The following CD8A variants were observed in gnomAD, a reference collection of about 807,000 sequenced individuals.
CD8A encodes CD8 subunit alpha, also known as T-cell surface glycoprotein CD8 alpha chain.
In CD8A, 25 loss-of-function variants were observed where a neutral mutation model predicts 24.2. The observed-to-expected ratio is 1.03, with a 90% CI of 0.75 to 1.44. The LOEUF is 1.44. CD8A is among the 40% of genes most tolerant of loss of function. The pLI is 0.00. For missense variants in CD8A, 360 were observed against 319.7 expected (o/e 1.13, Z -0.96); for synonymous variants, 165 against 149.9 (o/e 1.10, Z -0.74).
At chr2:86,797,825 T>C (rs1364203011) in intron 3 of CD8A, among the ~76,000 whole-genome samples, 1 of 152,218 alleles carries the variant, frequency 6.6e-6, no homozygotes, top group Non-Finnish European at 1.5e-5. Flanking sequence ...CCCTCCCAAG[T>C]ACCACCCCAC....
At chr2:86,795,191 G>C (rs1673441661), upstream of CD8A, among the ~76,000 whole-genome samples, 3 of 152,342 alleles carry the variant, frequency 2.0e-5, no homozygotes, top group South Asian at 6.2e-4. Context: ...GTGCCAAACA[G>C]AGGGCTTGGC....
upstream of CD8A, among the ~76,000 whole-genome samples, chr2:86,795,877 G>A (rs1007304277): frequency 6.6e-6 from 1 of 152,134 alleles, no homozygotes; most frequent in South Asian, 2.1e-4. Flanking sequence ...TTCTATTCAA[G>A]ATAACCCTGC....
chr2:86,797,384 T>C (rs1673515774), intron 3 of CD8A, among the ~76,000 whole-genome samples: 1 of 152,068 alleles, frequency 6.6e-6, no homozygotes, highest in Admixed American at 6.6e-5. Context: ...AAATTCAGAA[T>C]GGGGCTTGAG....
intron 2 of CD8A, among the ~76,000 whole-genome samples, chr2:86,790,014 C>A (rs915052956): frequency 1.3e-5 from 2 of 152,222 alleles, no homozygotes; most frequent in Admixed American, 6.5e-5. Flanking sequence ...GCTGAACCAG[C>A]AACCCTGGAG....
chr2:86,785,440 G>T lies in CD8A; in HGVS notation c.*480C>A, dbSNP rs568138212. 6.6e-6 allele frequency: 3 copies of T among 455,182 alleles called. No individual in the cohort carries two copies. Among genetic ancestry groups the T allele is most frequent in the African/African-American group, 2.0e-5 (1 of 50,030 alleles). The allele number at this position is 455,182 out of a possible 1,614,324, so 28.2% of individuals were successfully genotyped here. A position where few individuals can be genotyped will look rare whatever the true frequency, so the allele number is the denominator to read the frequency against. ...TCAAGCACCTCACCCTGAGACAGGG[G>T]CCTCGGAAAGAAAGACCTGAATGGT... On this transcript the variant is annotated 3_prime_UTR_variant, in exon 6 of 6. Transcript: ENST00000283635.
chr2:86,792,725 A>G (rs577556012), upstream of CD8A, among the ~76,000 whole-genome samples: 38 of 151,360 alleles, frequency 2.5e-4, no homozygotes, highest in African/African-American at 8.5e-4. Context: ...CCAATGCCCG[A>G]GGTCAGGCGC....
At chr2:86,801,937 C>CT (rs1256210915) in intron 2 of CD8A, among the ~76,000 whole-genome samples, 8 of 152,194 alleles carry the variant, frequency 5.3e-5, no homozygotes, top group South Asian at 2.1e-4. Context: ...TTTTAAAAAG[C>CT]TTTTTTTGAG....
intron 2 of CD8A, among the ~76,000 whole-genome samples, chr2:86,803,663 T>G (rs935788488): frequency 6.6e-6 from 1 of 152,240 alleles, no homozygotes; most frequent in Middle Eastern, 3.2e-3. Flanking sequence ...GTAATTCTCC[T>G]GCCTCAGCCT....
rs1673484710 is a variant in CD8A at position 86,796,387 on chromosome 2, A to G, written c.-271+5124T>C. On this transcript the variant is annotated intron_variant, in intron 3 of 8. Coordinates refer to the CD8A transcript ENST00000409511. ...TAGTGCCAAGTATAAAAACATATAC[A>G]TCTTTGCACATATCAAGGTGAATTA... is the stretch of plus-strand genomic sequence containing the variant. 2.0e-5 allele frequency among the ~76,000 whole-genome samples: 3 copies of G among 152,238 alleles called. No individual in the cohort carries two copies. The South Asian group carries it at 6.2e-4, about 32-fold the overall frequency.
intron 3 of CD8A, among the ~76,000 whole-genome samples, chr2:86,797,690 TA>T (rs145744721): frequency 6.6e-6 from 1 of 151,928 alleles, no homozygotes; most frequent in Non-Finnish European, 1.5e-5. Context: ...TTCACTTTTT[TA>T]AAAAAAAGTT....
rs777645171 is a variant in CD8A at position 86,789,360 on chromosome 2, A to G, written c.588T>C (p.Leu196=). Residue 196 remains leucine, a synonymous_variant, in exon 4 of 6, where the codon CTT becomes CTC. Coordinates refer to ENST00000283635, the MANE Select transcript of CD8A (RefSeq NM_001768.7). ...WAPLAGTCGV[L]LLSLVITLYC... is the part of the protein sequence containing the mutation. ...AAAGGGTGATAACCAGTGACAGGAG[A>G]AGGACCCCACAAGTCCCGGCCAAGG... is the stretch of plus-strand genomic sequence containing the variant. The G allele has an allele frequency of 2.8e-5, 45 of 1,613,400 alleles. No individual in the cohort carries two copies. Among genetic ancestry groups the G allele is most frequent in the Non-Finnish European group, 3.8e-5 (45 of 1,179,430 alleles).
chr2:86,789,603 G>A (rs1223995375), intron 3 of CD8A, 37 bp downstream of exon 3: 2 of 1,429,736 alleles, frequency 1.4e-6, no homozygotes, highest in African/African-American at 2.8e-5. Context: ...TCCCCGCGGT[G>A]CGTGCCGCCC....
intron 2 of CD8A, among the ~76,000 whole-genome samples, chr2:86,805,637 G>A (rs965333033): frequency 3.3e-5 from 5 of 152,218 alleles, no homozygotes; most frequent in South Asian, 2.1e-4. Context: ...CAGACTGCCC[G>A]TTTGTCCACT....
At chr2:86,799,495 G>A (rs1673590048) in intron 3 of CD8A, among the ~76,000 whole-genome samples, 1 of 152,158 alleles carries the variant, frequency 6.6e-6, no homozygotes, top group African/African-American at 2.4e-5. Flanking sequence ...GGTGGCTCAC[G>A]CTTGTAATCC....
chr2:86,787,037 A>AAG (rs1553430167), intron 5 of CD8A, among the ~76,000 whole-genome samples: 1 of 139,386 alleles, frequency 7.2e-6, no homozygotes, highest in Non-Finnish European at 1.6e-5. Context: ...AAAAAAAAAA[A>AAG]AAAGAAAAGA....
chr2:86,791,678 T>C, upstream of CD8A: 1 of 454,086 alleles, frequency 2.2e-6, no homozygotes, highest in Non-Finnish European at 4.4e-6. Flanking sequence ...TGGATGGAAA[T>C]TCAACCCCCA....
At chr2:86,806,833 T>C (rs1673920042) in intron 2 of CD8A, among the ~76,000 whole-genome samples, 1 of 152,220 alleles carries the variant, frequency 6.6e-6, no homozygotes, top group Non-Finnish European at 1.5e-5. Flanking sequence ...GGTTATTTCA[T>C]GGATCCCAGG....
intron 2 of CD8A, among the ~76,000 whole-genome samples, chr2:86,806,055 CTT>C (rs1393431613): frequency 6.6e-6 from 1 of 152,190 alleles, no homozygotes; most frequent in Middle Eastern, 3.4e-3. Context: ...CCAGTGGAAA[CTT>C]TTCTTTTTGC....
chr2:86,797,518 CAT>C (rs1043582846), intron 3 of CD8A, among the ~76,000 whole-genome samples: 11 of 152,156 alleles, frequency 7.2e-5, no homozygotes, highest in African/African-American at 7.2e-5. Flanking sequence ...GGATGTCCCA[CAT>C]GTTTGCCATT....
Sources: gnomAD v4.1 joint callset for allele counts (sites outside exome capture counted in the v4.1 genomes callset) on GRCh38, gnomAD v4.1.1 for gene constraint, MANE v1.5 for transcripts, NCBI Gene and HGNC (gene_info 2026-07-23, HGNC 2026-07-21) for gene names.